Variants in LAMA2 observed in about 807,000 individuals in gnomAD.
LAMA2 encodes the protein laminin subunit alpha-2.
LAMA2 carries 269 observed loss-of-function variants against 364.8 expected under a neutral mutation model. That is an observed-to-expected ratio of 0.74 (90% CI 0.67 to 0.82). LAMA2 has a LOEUF of 0.82. Among genes scored for constraint, LAMA2 ranks in the 40% least tolerant of loss-of-function variants. LAMA2 has a pLI of 0.00. For synonymous variants in LAMA2, 1,379 were observed against 1,370.6 expected (o/e 1.01, Z -0.14); for missense variants, 3,807 against 3,873.2 (o/e 0.98, Z 0.45).
intron 29 of LAMA2, among the ~76,000 whole-genome samples, chr6:129,334,815 G>A (rs964375299): frequency 3.3e-5 from 5 of 151,856 alleles, no homozygotes; most frequent in African/African-American, 1.2e-4. Flanking sequence ...AGCTCTCTGG[G>A]GTCTCTTTTG....
chr6:129,283,466 C>T (rs1392349841), intron 18 of LAMA2, among the ~76,000 whole-genome samples: 1 of 151,876 alleles, frequency 6.6e-6, no homozygotes, highest in Non-Finnish European at 1.5e-5. Context: ...TATAGGACAA[C>T]ATGAAACTTA....
chr6:129,283,775 C>T (rs759610418), intron 18 of LAMA2, among the ~76,000 whole-genome samples: 10 of 151,982 alleles, frequency 6.6e-5, no homozygotes, highest in Non-Finnish European at 1.3e-4. Context: ...AGTCTAATCA[C>T]CCCTCTGCTT....
chr6:129,064,099 T>G (rs561006642), intron 3 of LAMA2, among the ~76,000 whole-genome samples: 3 of 151,948 alleles, frequency 2.0e-5, no homozygotes, highest in African/African-American at 7.2e-5. Context: ...TGATTACTGA[T>G]TAAAGGATGT....
rs1784193506 is a variant in LAMA2 at position 129,478,533 on chromosome 6, T to C, written c.7452-160T>C. The C allele has an allele frequency of 7.1e-6, 5 of 708,474 alleles. No homozygotes were observed. In the Admixed American group the frequency reaches 8.4e-5, roughly 12 times the overall value. 43.9% of individuals were successfully genotyped at this position (708,474 alleles called of 1,614,324 possible). On this transcript the variant is annotated intron_variant, in intron 53 of 64. Transcript: ENST00000421865. ...ATGAACATCCATTTAGACCAACCAG[T>C]AGACAATGGAAACCAGAGTTTGCTG... is the stretch of plus-strand genomic sequence containing the variant.
chr6:129,052,649 A>G (rs1788161622), intron 2 of LAMA2, among the ~76,000 whole-genome samples: 1 of 152,128 alleles, frequency 6.6e-6, no homozygotes, highest in South Asian at 2.1e-4. Flanking sequence ...CCCAAACTTC[A>G]TAGACTGCAT....
intron 56 of LAMA2, among the ~76,000 whole-genome samples, chr6:129,486,952 A>G (rs1414211246): frequency 6.6e-6 from 1 of 152,224 alleles, no homozygotes; most frequent in Non-Finnish European, 1.5e-5. Flanking sequence ...GTATGCACAC[A>G]GCAAAACTCA....
intron 58 of LAMA2, 79 bp downstream of exon 58, chr6:129,492,562 G>T: frequency 8.0e-7 from 1 of 1,254,342 alleles, no homozygotes; most frequent in South Asian, 1.2e-5. Context: ...GATTATTCAG[G>T]ATATCTAGTA....
chr6:129,399,254 A>G (rs553913928), intron 37 of LAMA2, among the ~76,000 whole-genome samples: 4 of 152,230 alleles, frequency 2.6e-5, no homozygotes, highest in African/African-American at 4.8e-5. Flanking sequence ...AAAATAAGGT[A>G]ATTATAATAG....
At chr6:128,996,236 T>G (rs1783933699) in intron 1 of LAMA2, among the ~76,000 whole-genome samples, 1 of 151,928 alleles carries the variant, frequency 6.6e-6, no homozygotes, top group Non-Finnish European at 1.5e-5. Context: ...GTTTGGCATG[T>G]GAAGATCGGG....
intron 1 of LAMA2, among the ~76,000 whole-genome samples, chr6:129,038,945 T>G (rs1786877851): frequency 6.6e-6 from 1 of 152,216 alleles, no homozygotes; most frequent in Non-Finnish European, 1.5e-5. Context: ...AGTTCTACAT[T>G]TCCACCAAAT....
At chr6:129,438,556 T>C (rs2114760772) in intron 41 of LAMA2, 90 bp from the exon 42 acceptor site, 3 of 664,860 alleles carry the variant, frequency 4.5e-6, no homozygotes, top group East Asian at 2.7e-5. Context: ...TAATTAATTT[T>C]ATATTAAAAT....
At chr6:129,032,572 A>G (rs536619090) in intron 1 of LAMA2, among the ~76,000 whole-genome samples, 1 of 152,324 alleles carries the variant, frequency 6.6e-6, no homozygotes, top group East Asian at 1.9e-4. Flanking sequence ...ATCATTTTGA[A>G]TTTTAACCTA....
Position 129,514,541 on chromosome 6 carries a change from C to T in LAMA2, c.9157C>T (p.Pro3053Ser), listed in dbSNP as rs777133873. The change falls in exon 64 of 65, where the codon CCA becomes TCA. Residue 3053 changes from proline (P) to serine (S), a missense_variant. Pro to Ser is a moderately conservative substitution (Grantham distance 74). Around this residue, in one of 3 missense-constraint regions of LAMA2, gnomAD observed 3,333 missense variants for 3,345.7 expected, o/e 1.00. Coordinates refer to ENST00000421865, the MANE Select transcript of LAMA2 (RefSeq NM_000426.4). ...GNQVEAQSPN[P>S]ASTSADTNDP... Reference sequence around the variant, plus strand: ...CCAGGTGGAAGCCCAAAGCCCAAACCCAGCATCTACATCAGCTGACACAAA... The same window carrying T: ...CCAGGTGGAAGCCCAAAGCCCAAACTCAGCATCTACATCAGCTGACACAAA... 22 of 1,614,016 alleles carry T rather than the reference C, an allele frequency of 1.4e-5. No individual in the cohort carries two copies. In the East Asian group the frequency reaches 2.7e-4, roughly 20 times the overall value.
intron 29 of LAMA2, among the ~76,000 whole-genome samples, chr6:129,334,987 A>G (rs893904640): frequency 4.6e-5 from 7 of 152,168 alleles, no homozygotes; most frequent in Non-Finnish European, 8.8e-5. Context: ...CCCCAACATG[A>G]TGATATTTGG....
At chr6:128,904,834 G>T (rs985483334) in intron 1 of LAMA2, among the ~76,000 whole-genome samples, 4 of 152,124 alleles carry the variant, frequency 2.6e-5, no homozygotes, top group Admixed American at 1.3e-4. Flanking sequence ...GCATCTGAAG[G>T]CCAGAATATA....
intron 11 of LAMA2, among the ~76,000 whole-genome samples, chr6:129,192,397 C>A (rs1203077039): frequency 6.6e-6 from 1 of 151,790 alleles, no homozygotes; most frequent in African/African-American, 2.4e-5. Context: ...GTATTTGGAA[C>A]CACAATTTTT....
intron 40 of LAMA2, among the ~76,000 whole-genome samples, chr6:129,425,775 A>G (rs374350564): frequency 2.6e-5 from 4 of 152,108 alleles, no homozygotes; most frequent in African/African-American, 9.7e-5. Flanking sequence ...CATTCGTTTT[A>G]TGACTGCATA....
At chr6:129,328,622 T>C (rs1775445073) in intron 29 of LAMA2, among the ~76,000 whole-genome samples, 2 of 152,140 alleles carry the variant, frequency 1.3e-5, no homozygotes, top group Non-Finnish European at 2.9e-5. Context: ...TGTCAAGAAA[T>C]AGAATTTTAG....
At chr6:128,908,491 T>C (rs1777654514) in intron 1 of LAMA2, among the ~76,000 whole-genome samples, 1 of 148,572 alleles carries the variant, frequency 6.7e-6, no homozygotes, top group Non-Finnish European at 1.5e-5. Flanking sequence ...ATCCCCTTTA[T>C]CATTTTTTAT....
Sources: gnomAD v4.1 joint callset for allele counts (sites outside exome capture counted in the v4.1 genomes callset) on GRCh38, gnomAD v4.1.1 for gene constraint, gnomAD v4.1.1 regional missense constraint, MANE v1.5 for transcripts, NCBI Gene and HGNC (gene_info 2026-07-23, HGNC 2026-07-21) for gene names.